CFTR: variants seen among roughly 807,000 people sequenced by gnomAD.
The protein encoded by CFTR is cystic fibrosis transmembrane conductance regulator.
CFTR carries 181 observed loss-of-function variants against 171.6 expected under a neutral mutation model. The ratio of observed to expected loss-of-function variants is 1.05; its 90% confidence interval spans 0.93 to 1.19. The LOEUF is 1.19. Ranked by LOEUF, CFTR falls within the 50% of genes most tolerant of loss-of-function variation. The pLI, the probability that CFTR is intolerant of heterozygous loss-of-function variation, is 0.00. For missense variants in CFTR, 1,968 were observed against 1,734.7 expected (o/e 1.13, Z -2.39); for synonymous variants, 583 against 608.0 (o/e 0.96, Z 0.60).
In CFTR at chr7:117,652,887, T is replaced by A. The variant is rs766864834; in HGVS notation, c.3919T>A (p.Tyr1307Asn). The A allele has an allele frequency of 1.2e-6, 2 of 1,605,134 alleles. No individual in the cohort carries two copies. Among genetic ancestry groups the A allele is most frequent in the South Asian group, 2.2e-5 (2 of 90,866 alleles). ...SGTFRKNLDP[Y>N]EQWSDQEIWK... Reference sequence around the variant, plus strand: ...AACATTTAGAAAAAACTTGGATCCCTATGAACAGTGGAGTGATCAAGAAAT... The same window carrying A: ...AACATTTAGAAAAAACTTGGATCCCAATGAACAGTGGAGTGATCAAGAAAT... The change falls in exon 24 of 27, where the codon TAT becomes AAT. Residue 1307 changes from tyrosine to asparagine, a missense_variant. Physicochemically the swap from Tyr to Asn is moderately radical, Grantham distance 143. Coordinates refer to ENST00000003084, the MANE Select transcript of CFTR (RefSeq NM_000492.4).
intron 9 of CFTR, among the ~76,000 whole-genome samples, chr7:117,543,534 TC>T (rs1372295646): frequency 6.6e-6 from 1 of 152,208 alleles, no homozygotes; most frequent in Non-Finnish European, 1.5e-5. Flanking sequence ...ATATGTTTTG[TC>T]CCAATTAATT....
chr7:117,619,509 G>A (rs1792541779), intron 21 of CFTR, among the ~76,000 whole-genome samples: 1 of 152,076 alleles, frequency 6.6e-6, no homozygotes. Context: ...GTCTTTTACT[G>A]CTTGTTTTGT....
At chr7:117,520,059 A>G (rs1203376655) in intron 3 of CFTR, among the ~76,000 whole-genome samples, 1 of 151,886 alleles carries the variant, frequency 6.6e-6, no homozygotes, top group African/African-American at 2.4e-5. Context: ...AGAGCATATT[A>G]TTATTTTCAT....
intron 11 of CFTR, among the ~76,000 whole-genome samples, chr7:117,570,334 A>T (rs1791670724): frequency 6.6e-6 from 1 of 152,196 alleles, no homozygotes; most frequent in Admixed American, 6.6e-5. Context: ...GCTATAGAAG[A>T]GTTTGGGAAG....
rs71314621 is a variant in CFTR at position 117,566,248 on chromosome 7, AACACACACACAC to A, written c.1584+6620_1584+6631del. ...CAGGAGTTCAAGACCAGCCTACTAA[AACACACACACAC>A]ACACACACACACACACACACACACA... is the stretch of plus-strand genomic sequence containing the variant. On this transcript the variant is annotated intron_variant, in intron 11 of 26. Coordinates refer to ENST00000003084, the MANE Select transcript of CFTR (RefSeq NM_000492.4). 7.9e-5 allele frequency among the ~76,000 whole-genome samples: 11 copies of A among 138,890 alleles called. No homozygotes were observed. In the East Asian group the frequency reaches 8.6e-4, roughly 11 times the overall value. The allele number at this position is 138,890 out of a possible 152,430, so 91.1% of individuals were successfully genotyped here.
At chr7:117,513,171 C>T (rs917238703) in intron 3 of CFTR, among the ~76,000 whole-genome samples, 1 of 152,102 alleles carries the variant, frequency 6.6e-6, no homozygotes, top group Non-Finnish European at 1.5e-5. Flanking sequence ...ACATGGGAGC[C>T]TTCAGGATGA....
chr7:117,538,049 C>A (rs548545349), intron 7 of CFTR, among the ~76,000 whole-genome samples: 5 of 152,332 alleles, frequency 3.3e-5, no homozygotes, highest in Admixed American at 3.3e-4. Flanking sequence ...AAGATGAAAT[C>A]TATCCCTCTT....
intron 1 of CFTR, among the ~76,000 whole-genome samples, chr7:117,488,531 G>T (rs1798108630): frequency 6.6e-6 from 1 of 151,934 alleles, no homozygotes; most frequent in African/African-American, 2.4e-5. Context: ...TTTGGAATAT[G>T]CATCTTTTAA....
At chr7:117,622,538 C>T (rs759213076) in intron 21 of CFTR, among the ~76,000 whole-genome samples, 8 of 152,202 alleles carry the variant, frequency 5.3e-5, no homozygotes, top group Non-Finnish European at 1.2e-4. Context: ...AGATGACTCT[C>T]GTCATATTTA....
At chr7:117,598,500 A>T (rs959102772) in intron 15 of CFTR, among the ~76,000 whole-genome samples, 1 of 152,216 alleles carries the variant, frequency 6.6e-6, no homozygotes, top group South Asian at 2.1e-4. Flanking sequence ...TCATCACTCC[A>T]CCATGGTCCA....
chr7:117,650,170 T>C (rs1224160294), intron 23 of CFTR, among the ~76,000 whole-genome samples: 1 of 152,146 alleles, frequency 6.6e-6, no homozygotes, highest in African/African-American at 2.4e-5. Context: ...ATGTTCTAAT[T>C]TCTGTTGTAG....
chr7:117,593,109 G>A (rs1022308470), intron 14 of CFTR, among the ~76,000 whole-genome samples: 1 of 152,030 alleles, frequency 6.6e-6, no homozygotes, highest in Admixed American at 6.6e-5. Context: ...CTCACATTCT[G>A]GTTTGTATAT....
intron 3 of CFTR, among the ~76,000 whole-genome samples, chr7:117,525,079 C>T (rs1181642106): frequency 6.6e-6 from 1 of 152,138 alleles, no homozygotes; most frequent in Non-Finnish European, 1.5e-5. Flanking sequence ...AAACAGTTAA[C>T]ATGTAATATT....
intron 5 of CFTR, among the ~76,000 whole-genome samples, 168 bp from the exon 6 acceptor site, chr7:117,535,080 C>T (rs1367670536): frequency 1.3e-5 from 2 of 152,188 alleles, no homozygotes; most frequent in Non-Finnish European, 2.9e-5. Context: ...TGTTTAAGCA[C>T]ATTGCTATGT....
intron 7 of CFTR, among the ~76,000 whole-genome samples, chr7:117,539,352 G>C (rs1799008807): frequency 6.6e-6 from 1 of 152,114 alleles, no homozygotes; most frequent in Admixed American, 6.5e-5. Context: ...ATGAGACAGA[G>C]AGGATGTAGT....
At chr7:117,564,325 C>A (rs1791564705) in intron 11 of CFTR, among the ~76,000 whole-genome samples, 1 of 152,154 alleles carries the variant, frequency 6.6e-6, no homozygotes, top group African/African-American at 2.4e-5. Context: ...CAGTCAAAAT[C>A]AAAAGTGTCC....
At chr7:117,626,349 G>A (rs1329539537) in intron 21 of CFTR, among the ~76,000 whole-genome samples, 1 of 152,068 alleles carries the variant, frequency 6.6e-6, no homozygotes, top group Non-Finnish European at 1.5e-5. Context: ...AGAAATAACA[G>A]AAGCAAATAC....
intron 18 of CFTR, among the ~76,000 whole-genome samples, chr7:117,607,810 A>G (rs1402747300): frequency 6.6e-6 from 1 of 152,218 alleles, no homozygotes; most frequent in African/African-American, 2.4e-5. Context: ...TACTGTCCCA[A>G]GTGAACTTTG....
intron 3 of CFTR, among the ~76,000 whole-genome samples, chr7:117,517,778 G>A (rs1798617231): frequency 1.3e-5 from 2 of 152,102 alleles, no homozygotes; most frequent in Admixed American, 6.5e-5. Flanking sequence ...ATCTCATTGT[G>A]GTTTTGATTT....
Sources: gnomAD v4.1 joint callset for allele counts (sites outside exome capture counted in the v4.1 genomes callset) on GRCh38, gnomAD v4.1.1 for gene constraint, MANE v1.5 for transcripts, NCBI Gene and HGNC (gene_info 2026-07-23, HGNC 2026-07-21) for gene names.